Variants in COBL observed in about 807,000 individuals in gnomAD.
COBL encodes the protein cordon-bleu WH2 repeat protein, also known as protein cordon-bleu.
Under a neutral mutation model 98.8 loss-of-function variants are expected in COBL, and 51 were observed. The observed-to-expected ratio is 0.52, with a 90% CI of 0.41 to 0.65. The LOEUF is 0.65. Ranked by LOEUF, COBL falls within the 30% of genes least tolerant of loss-of-function variation. The pLI, the probability that COBL is intolerant of heterozygous loss-of-function variation, is 0.00. For synonymous variants in COBL, 634 were observed against 651.7 expected, an observed-to-expected ratio of 0.97 and a Z score of 0.41; for missense variants, 1,617 against 1,617.5, an observed-to-expected ratio of 1.00 and a Z score of 0.01.
At chr7:51,301,825 C>G (rs1421895652) in intron 1 of COBL, among the ~76,000 whole-genome samples, 1 of 152,224 alleles carries the variant, frequency 6.6e-6, no homozygotes, top group African/African-American at 2.4e-5. Context: ...GTGCTGGGAA[C>G]CCCTGTGCAT....
intron 4 of COBL, chr7:51,187,965 A>G: frequency 8.1e-7 from 1 of 1,232,360 alleles, no homozygotes; most frequent in Non-Finnish European, 1.0e-6. Flanking sequence ...CGAACTGGAA[A>G]AGGCAGGCAA....
At chr7:51,271,347 C>T (rs1798741632) in intron 1 of COBL, among the ~76,000 whole-genome samples, 1 of 152,208 alleles carries the variant, frequency 6.6e-6, no homozygotes, top group African/African-American at 2.4e-5. Context: ...TTCCTCATTG[C>T]TTTTTGTAAA....
chr7:51,090,721 A>C (rs982224617), intron 6 of COBL, among the ~76,000 whole-genome samples: 4 of 152,238 alleles, frequency 2.6e-5, no homozygotes, highest in African/African-American at 9.6e-5. Context: ...GGAGGAAATG[A>C]GTAAAAAGTA....
chr7:51,060,578 T>C (rs888812422), intron 7 of COBL, among the ~76,000 whole-genome samples: 2 of 152,160 alleles, frequency 1.3e-5, no homozygotes, highest in Non-Finnish European at 1.5e-5. Context: ...AGGCTGTGTA[T>C]GCTCTGAATG....
chr7:51,023,147 C>T (rs950667743), intron 12 of COBL, among the ~76,000 whole-genome samples: 1 of 152,272 alleles, frequency 6.6e-6, no homozygotes, highest in Admixed American at 6.5e-5. Flanking sequence ...CTTCAAGAGC[C>T]ATCTTCAACA....
Position 51,136,145 on chromosome 7 carries a change from C to A in COBL, c.957+13G>T. On this transcript the variant is annotated intron_variant, in intron 6 of 12. Transcript: ENST00000265136. ...AAAGATGCTTTGGTTGTGAGAACAG[C>A]CCACTGCCCTACCTTTTCCGATGCC... is the stretch of plus-strand genomic sequence containing the variant. 1 of 1,605,996 alleles carries A rather than the reference C, an allele frequency of 6.2e-7. No individual in the cohort carries two copies. The highest frequency in any genetic ancestry group is 8.5e-7 in the Non-Finnish European group (1 of 1,177,308).
chr7:51,082,941 A>T, intron 7 of COBL: 1 of 913,214 alleles, frequency 1.1e-6, no homozygotes. Context: ...AGAGCTGAGA[A>T]GGAAAGGCAC....
At chr7:51,021,476 C>T (rs1786928385) in intron 12 of COBL, among the ~76,000 whole-genome samples, 1 of 152,004 alleles carries the variant, frequency 6.6e-6, no homozygotes. Context: ...GACTACAGGC[C>T]CGTGCCACCA....
chr7:51,124,135 T>A (rs1797990615), intron 6 of COBL, among the ~76,000 whole-genome samples: 1 of 152,112 alleles, frequency 6.6e-6, no homozygotes, highest in Non-Finnish European at 1.5e-5. Context: ...CCTAGCAGAG[T>A]GCCTGGGATG....
rs767804691 is a variant in COBL at position 51,139,752 on chromosome 7, T to TAATG, written c.784-3425_784-3422dup. 5.9e-5 allele frequency among the ~76,000 whole-genome samples: 9 copies of TAATG among 152,326 alleles called. No individual in the cohort carries two copies. In the East Asian group the frequency reaches 1.5e-3, roughly 26 times the overall value. ...AGAATTTAGAAAGCAATCCACAGAATAATGTGGGAGGAAAACATTGTGAAG... is the reference window on the plus strand; with the variant it reads ...AGAATTTAGAAAGCAATCCACAGAATAATGAATGTGGGAGGAAAACATTGTGAAG... On this transcript the variant is annotated intron_variant, in intron 5 of 12. Coordinates refer to ENST00000265136, the MANE Select transcript of COBL (RefSeq NM_015198.5).
At chr7:51,304,497 C>T (rs183177255) in intron 1 of COBL, among the ~76,000 whole-genome samples, 17 of 152,212 alleles carry the variant, frequency 1.1e-4, no homozygotes, top group Non-Finnish European at 2.1e-4. Flanking sequence ...TCTAAACCAA[C>T]AGATCCCTTC....
intron 3 of COBL, among the ~76,000 whole-genome samples, chr7:51,191,795 A>AT (rs1329367923): frequency 6.6e-6 from 1 of 152,018 alleles, no homozygotes; most frequent in African/African-American, 2.4e-5. Context: ...CTTTTTGATT[A>AT]TTTTTCTTCC....
intron 5 of COBL, among the ~76,000 whole-genome samples, chr7:51,166,356 G>T (rs1442555001): frequency 1.3e-5 from 2 of 151,948 alleles, no homozygotes; most frequent in South Asian, 4.2e-4. Flanking sequence ...AAATCTAGAA[G>T]AAAAGGAGAA....
intron 1 of COBL, among the ~76,000 whole-genome samples, chr7:51,242,878 A>G (rs1795924049): frequency 6.6e-6 from 1 of 152,150 alleles, no homozygotes; most frequent in African/African-American, 2.4e-5. Flanking sequence ...GGTTCATCCA[A>G]CAAGGTACCT....
chr7:51,188,530 G>C lies in COBL; in HGVS notation c.685+2320C>G, dbSNP rs190307350. 3.7e-3 allele frequency among the ~76,000 whole-genome samples: 557 copies of C among 152,342 alleles called. 4 individuals are homozygous for C. Among genetic ancestry groups the C allele is most frequent in the African/African-American group, 0.013 (536 of 41,578 alleles). On this transcript the variant is annotated intron_variant, in intron 4 of 12. Coordinates refer to ENST00000265136, the MANE Select transcript of COBL (RefSeq NM_015198.5). Reference sequence around the variant, plus strand: ...TGGCACAGGCATGGTCCAGACGAAAGGGGTGCTGGCCACAAGGCTGGAGCA... The same window carrying C: ...TGGCACAGGCATGGTCCAGACGAAACGGGTGCTGGCCACAAGGCTGGAGCA...
intron 5 of COBL, 38 bp downstream of exon 5, chr7:51,184,064 T>C (rs1009860711): frequency 9.4e-7 from 1 of 1,063,848 alleles, no homozygotes; most frequent in East Asian, 2.6e-5. Context: ...CTATTTTTTT[T>C]ACATGATACA....
chr7:51,146,354 C>T (rs140813247), intron 5 of COBL, among the ~76,000 whole-genome samples: 59 of 152,294 alleles, frequency 3.9e-4, no homozygotes, highest in East Asian at 2.1e-3. Flanking sequence ...CAAAGCATAA[C>T]GGCTGGTCAA....
At chr7:51,258,222 T>TG (rs1797377219) in intron 1 of COBL, among the ~76,000 whole-genome samples, 1 of 152,202 alleles carries the variant, frequency 6.6e-6, no homozygotes, top group African/African-American at 2.4e-5. Context: ...CTTTTTTTTT[T>TG]GAAGAGACAA....
chr7:51,226,067 G>T (rs913807671), intron 1 of COBL, among the ~76,000 whole-genome samples: 4 of 152,176 alleles, frequency 2.6e-5, no homozygotes, highest in African/African-American at 9.7e-5. Flanking sequence ...TGTCATCTGT[G>T]GACCTGAAGG....
Sources: gnomAD v4.1 joint callset for allele counts (sites outside exome capture counted in the v4.1 genomes callset) on GRCh38, gnomAD v4.1.1 for gene constraint, MANE v1.5 for transcripts, NCBI Gene and HGNC (gene_info 2026-07-23, HGNC 2026-07-21) for gene names.